LRBA: variants seen among roughly 807,000 people sequenced by gnomAD.
LRBA encodes lipopolysaccharide-responsive and beige-like anchor protein.
LRBA carries 176 observed loss-of-function variants against 330.0 expected under a neutral mutation model. The observed-to-expected ratio is 0.53, with a 90% CI of 0.47 to 0.60. The LOEUF (loss-of-function observed/expected upper bound fraction) is 0.60. Ranked by LOEUF, LRBA falls within the 20% of genes least tolerant of loss-of-function variation. LRBA has a pLI of 0.00. For synonymous variants in LRBA, 1,230 were observed against 1,193.0 expected, an observed-to-expected ratio of 1.03 and a Z score of -0.64; for missense variants, 3,259 against 3,444.8, an observed-to-expected ratio of 0.95 and a Z score of 1.35.
chr4:150,647,358 T>TTC (rs1211881508), intron 37 of LRBA, among the ~76,000 whole-genome samples: 4 of 134,034 alleles, frequency 3.0e-5, no homozygotes, highest in African/African-American at 1.1e-4. Context: ...TTTTCTTTTT[T>TTC]TTTTTTTTTT....
chr4:150,611,347 A>G (rs778144222), intron 37 of LRBA, among the ~76,000 whole-genome samples: 1 of 152,206 alleles, frequency 6.6e-6, no homozygotes, highest in Admixed American at 6.5e-5. Context: ...GAGGCCCAGA[A>G]GGTGAGTGAT....
chr4:150,403,009 T>C (rs1745708751), intron 47 of LRBA, among the ~76,000 whole-genome samples: 1 of 152,192 alleles, frequency 6.6e-6, no homozygotes, highest in African/African-American at 2.4e-5. Context: ...AATTTTCGTT[T>C]GAGATACACC....
At chr4:150,756,378 C>T (rs540270534) in intron 35 of LRBA, among the ~76,000 whole-genome samples, 2 of 152,178 alleles carry the variant, frequency 1.3e-5, no homozygotes, top group Admixed American at 1.3e-4. Context: ...AAATTAACAT[C>T]AATACTGAGA....
At chr4:150,910,203 C>T (rs77942726) in intron 9 of LRBA, among the ~76,000 whole-genome samples, 9,982 of 152,112 alleles carry the variant, frequency 0.066, 558 homozygotes, top group African/African-American at 0.16. Context: ...CCTGTACTTT[C>T]GGTATCACAG....
chr4:150,667,441 G>A (rs1319169117), intron 37 of LRBA, among the ~76,000 whole-genome samples: 1 of 152,174 alleles, frequency 6.6e-6, no homozygotes, highest in East Asian at 1.9e-4. Flanking sequence ...TATGCTGCTA[G>A]TTTTGAAGAT....
chr4:150,774,567 C>T (rs958397747), intron 34 of LRBA, among the ~76,000 whole-genome samples: 4 of 152,222 alleles, frequency 2.6e-5, no homozygotes, highest in African/African-American at 9.6e-5. Context: ...TGTGTGCCCA[C>T]AGCTCTGACT....
chr4:150,851,182 A>C (rs541627271), intron 23 of LRBA, among the ~76,000 whole-genome samples: 23 of 152,364 alleles, frequency 1.5e-4, no homozygotes, highest in African/African-American at 5.3e-4. Context: ...AAAAGAATCA[A>C]GTAACAGTTC....
intron 46 of LRBA, among the ~76,000 whole-genome samples, chr4:150,430,357 C>A (rs1177185980): frequency 6.6e-6 from 1 of 152,134 alleles, no homozygotes; most frequent in Non-Finnish European, 1.5e-5. Context: ...TTCAAACTCT[C>A]CCAAGTCTCC....
At chr4:150,625,389 G>A (rs1194145782) in intron 37 of LRBA, among the ~76,000 whole-genome samples, 1 of 152,132 alleles carries the variant, frequency 6.6e-6, no homozygotes, top group Non-Finnish European at 1.5e-5. Flanking sequence ...TTTTCAAGGA[G>A]CAGGCAGAAT....
intron 17 of LRBA, among the ~76,000 whole-genome samples, chr4:150,877,460 C>T (rs1412230640): frequency 6.6e-6 from 1 of 152,022 alleles, no homozygotes; most frequent in African/African-American, 2.4e-5. Flanking sequence ...AAAAATAGTT[C>T]AATTCAACAA....
chr4:150,835,533 TTGGATTCCTAGG>T (rs1747904203), intron 28 of LRBA, among the ~76,000 whole-genome samples: 1 of 152,180 alleles, frequency 6.6e-6, no homozygotes, highest in Non-Finnish European at 1.5e-5. Flanking sequence ...CTCTTGTAAG[TTGGATTCCTAGG>T]TATTTTATTT....
At chr4:150,693,389 C>G (rs867749059) in intron 36 of LRBA, among the ~76,000 whole-genome samples, 2 of 151,024 alleles carry the variant, frequency 1.3e-5, no homozygotes, top group African/African-American at 4.9e-5. Context: ...CGGTGAAACC[C>G]CGTCTCTACT....
intron 31 of LRBA, among the ~76,000 whole-genome samples, chr4:150,813,865 G>A (rs576524546): frequency 6.6e-6 from 1 of 152,116 alleles, no homozygotes; most frequent in African/African-American, 2.4e-5. Context: ...TTAAGATAGG[G>A]TAGATTAAGC....
intron 42 of LRBA, among the ~76,000 whole-genome samples, chr4:150,485,377 G>A (rs1235973253): frequency 1.3e-5 from 2 of 151,868 alleles, no homozygotes; most frequent in African/African-American, 2.4e-5. Context: ...ATAATGCTTT[G>A]TGTGGTAATT....
At chr4:150,955,643 G>A (rs1326767532) in intron 2 of LRBA, among the ~76,000 whole-genome samples, 1 of 148,414 alleles carries the variant, frequency 6.7e-6, no homozygotes, top group Non-Finnish European at 1.5e-5. Flanking sequence ...TGTAATCCCA[G>A]CACTTTGAAA....
In LRBA at chr4:150,925,378, C is replaced by T. The variant is rs558478816; in HGVS notation, c.549+3138G>A. Among the ~76,000 whole-genome samples, 15 of 152,228 alleles carry T rather than the reference C, an allele frequency of 9.9e-5. No individual in the cohort carries two copies. The South Asian group carries it at 2.9e-3, about 30-fold the overall frequency. ...TCAAAAATAATGCTTCAGTGAACAT[C>T]CTCATGTATTTTATGGATCTATGTG... On this transcript the variant is annotated intron_variant, in intron 4 of 56. Coordinates refer to ENST00000651943, the MANE Select transcript of LRBA (RefSeq NM_001364905.1).
chr4:150,511,416 CT>C (rs1761819613), intron 40 of LRBA, among the ~76,000 whole-genome samples: 1 of 152,172 alleles, frequency 6.6e-6, no homozygotes, highest in Non-Finnish European at 1.5e-5. Flanking sequence ...TTCTTATCAT[CT>C]TTTACCATTT....
intron 40 of LRBA, among the ~76,000 whole-genome samples, chr4:150,568,492 T>C (rs990466577): frequency 6.6e-6 from 1 of 152,160 alleles, no homozygotes; most frequent in African/African-American, 2.4e-5. Context: ...ATCTCCACTG[T>C]CTAGCAGGCA....
intron 37 of LRBA, among the ~76,000 whole-genome samples, chr4:150,678,832 AAAGAAT>A (rs1311224687): frequency 1.3e-5 from 2 of 152,176 alleles, no homozygotes; most frequent in African/African-American, 4.8e-5. Flanking sequence ...AACGCATTAG[AAAGAAT>A]AAGAATGGGT....
Sources: allele counts gnomAD v4.1 joint callset (sites outside exome capture counted in the v4.1 genomes callset), GRCh38; gene constraint gnomAD v4.1.1; transcripts MANE v1.5; gene names NCBI Gene and HGNC (gene_info 2026-07-23, HGNC 2026-07-21).